Variants in UBE3A observed in about 807,000 individuals in gnomAD.
UBE3A encodes ubiquitin-protein ligase E3A.
UBE3A carries 6 observed loss-of-function variants against 83.4 expected under a neutral mutation model. That is an observed-to-expected ratio of 0.07 (90% CI 0.04 to 0.14). The LOEUF is 0.14. UBE3A is among the 10% of genes least tolerant of loss of function. The probability of loss-of-function intolerance (pLI) is 1.00; values close to 1 mark genes in which losing one functional copy is unlikely to be tolerated. For synonymous variants in UBE3A, 337 were observed against 355.4 expected, an observed-to-expected ratio of 0.95 and a Z score of 0.58; for missense variants, 456 against 1,036.1, an observed-to-expected ratio of 0.44 and a Z score of 7.69.
At chr15:25,400,842 T>C (rs983008076) in intron 4 of UBE3A, among the ~76,000 whole-genome samples, 2 of 152,228 alleles carry the variant, frequency 1.3e-5, no homozygotes, top group African/African-American at 2.4e-5. Flanking sequence ...CTGTGCTGAA[T>C]AGAAATGGCA....
chr15:25,426,741 T>A (rs1274553303), intron 1 of UBE3A, among the ~76,000 whole-genome samples: 1 of 152,134 alleles, frequency 6.6e-6, no homozygotes, highest in Non-Finnish European at 1.5e-5. Context: ...CTAAAAACCA[T>A]ACGTACTTAA....
intron 6 of UBE3A, among the ~76,000 whole-genome samples, chr15:25,368,803 T>G (rs1345768271): frequency 6.6e-6 from 1 of 152,168 alleles, no homozygotes; most frequent in African/African-American, 2.4e-5. Context: ...AACTTTTGTT[T>G]TTAGTCTTGC....
At chr15:25,368,871 G>A (rs182425044) in intron 6 of UBE3A, among the ~76,000 whole-genome samples, 3 of 152,274 alleles carry the variant, frequency 2.0e-5, no homozygotes, top group East Asian at 1.9e-4. Context: ...ACTTCTGAGC[G>A]AAAGACAGAT....
intron 6 of UBE3A, among the ~76,000 whole-genome samples, chr15:25,363,892 G>A (rs59539868): frequency 1.3e-5 from 2 of 151,896 alleles, no homozygotes; most frequent in East Asian, 1.9e-4. Context: ...ATAAAATACT[G>A]TACCACTTAA....
Position 25,370,945 on chromosome 15 carries a change from A to G in UBE3A, c.1229T>C (p.Leu410Ser). The change falls in exon 6 of 13, where the codon TTG becomes TCG. Residue 410 changes from leucine to serine, a missense_variant. Transcript: ENST00000648336. This position sits in a 1 kb window ranked among gnomAD's most constrained non-coding sequence, Gnocchi z 4.2. ...ESSELTLQEL[L>S]GEERRNKKGP... ...TTTCTTGTTTCTTCTTTCTTCTCCC[A>G]AAAGTTCCTGAAGTGTCAGCTCGCT... 1 of 1,614,080 alleles carries G rather than the reference A, an allele frequency of 6.2e-7. No homozygotes were observed. The highest frequency in any genetic ancestry group is 8.5e-7 in the Non-Finnish European group (1 of 1,180,010).
intron 4 of UBE3A, among the ~76,000 whole-genome samples, chr15:25,378,680 G>C (rs1177830505): frequency 6.6e-6 from 1 of 152,024 alleles, no homozygotes; most frequent in African/African-American, 2.4e-5. Context: ...AAGTCATTTT[G>C]ACTATATTGT....
In UBE3A at chr15:25,370,885, C is replaced by A. The variant is rs1260300451; in HGVS notation, c.1289G>T (p.Gly430Val). 3.1e-6 allele frequency: 5 copies of A among 1,613,968 alleles called. No individual in the cohort carries two copies. In the African/African-American group the frequency reaches 5.3e-5, roughly 17 times the overall value. Residue 430 changes from glycine (G) to valine (V), a missense_variant, in exon 6 of 13, where the codon GGT becomes GTT. By Grantham distance (109) the Gly-to-Val change is moderately radical (BLOSUM62 -3). Transcript: ENST00000648336. This position sits in a 1 kb window ranked among gnomAD's most constrained non-coding sequence, Gnocchi z 4.2. ...PRVDPLETELGVKTLDCRKPL... is the reference protein window; with the variant it reads ...PRVDPLETELVVKTLDCRKPL... ...TTTTCGACAATCCAGGGTTTTAACA[C>A]CAAGTTCAGTTTCCAGGGGGTCCAC...
In UBE3A at chr15:25,333,890, C is replaced by A. The variant is rs1431498827; in HGVS notation, c.*5247G>T. ...AAGAAGCATTTAACAAAACCCACAG[C>A]CCCTCCTTTTTTTTTTTTTGATTAA... On this transcript the variant is annotated 3_prime_UTR_variant, in exon 13 of 13. Transcript: ENST00000648336. 1 of 127,524 alleles carries A rather than the reference C, an allele frequency of 7.8e-6. No homozygotes were observed. The highest frequency in any genetic ancestry group is 1.6e-5 in the Non-Finnish European group (1 of 64,260). The allele number at this position is 127,524 out of a possible 1,614,324, so 7.9% of individuals were successfully genotyped here. A position where few individuals can be genotyped will look rare whatever the true frequency, so the allele number is the denominator to read the frequency against.
At chr15:25,398,167 C>CAAAAAAAA (rs71127052) in intron 4 of UBE3A, among the ~76,000 whole-genome samples, 23 of 99,156 alleles carry the variant, frequency 2.3e-4, no homozygotes, top group African/African-American at 7.5e-4. Flanking sequence ...GACTCTGTCT[C>CAAAAAAAA]AAAAAAAAAA....
chr15:25,351,071 C>T (rs766533332), intron 11 of UBE3A, among the ~76,000 whole-genome samples: 23 of 152,216 alleles, frequency 1.5e-4, no homozygotes, highest in Non-Finnish European at 3.1e-4. Context: ...ACAACATCGA[C>T]ACCACCATTA....
At chr15:25,377,856 CT>C (rs1457304716) in intron 4 of UBE3A, among the ~76,000 whole-genome samples, 10 of 152,122 alleles carry the variant, frequency 6.6e-5, no homozygotes, top group African/African-American at 2.4e-4. Flanking sequence ...CGACAAAGAA[CT>C]GCCTAGTCTT....
In UBE3A at chr15:25,338,985, T is replaced by C. The variant is rs759791840; in HGVS notation, c.*152A>G. The C allele has an allele frequency of 6.6e-6, 5 of 758,890 alleles. No homozygotes were observed. Among genetic ancestry groups the C allele is most frequent in the South Asian group, 2.5e-5 (1 of 39,884 alleles). The allele number at this position is 758,890 out of a possible 1,614,324, so 47.0% of individuals were successfully genotyped here. A position where few individuals can be genotyped will look rare whatever the true frequency, so the allele number is the denominator to read the frequency against. Reference sequence around the variant, plus strand: ...CCAATAAAGAAGGGAGGCACAGACATAGGTGACTACTGTGGTTGACTATCT... The same window carrying C: ...CCAATAAAGAAGGGAGGCACAGACACAGGTGACTACTGTGGTTGACTATCT... On this transcript the variant is annotated 3_prime_UTR_variant, in exon 13 of 13. Transcript: ENST00000648336.
At chr15:25,401,429 G>C (rs2087054904) in intron 4 of UBE3A, among the ~76,000 whole-genome samples, 1 of 152,148 alleles carries the variant, frequency 6.6e-6, no homozygotes, top group African/African-American at 2.4e-5. Context: ...AAGTCACCAA[G>C]TCTTGGGCTT....
At chr15:25,381,053 T>C (rs1174103156) in intron 4 of UBE3A, among the ~76,000 whole-genome samples, 1 of 152,228 alleles carries the variant, frequency 6.6e-6, no homozygotes, top group Non-Finnish European at 1.5e-5. Flanking sequence ...CCTAGAGGGA[T>C]GTGTACTAAT....
chr15:25,390,464 C>T (rs1309851819), intron 4 of UBE3A, among the ~76,000 whole-genome samples: 1 of 152,012 alleles, frequency 6.6e-6, no homozygotes, highest in African/African-American at 2.4e-5. Context: ...AAGAGAGGTA[C>T]TAACAACCTA....
intron 6 of UBE3A, 38 bp from the exon 7 acceptor site, chr15:25,360,565 T>C (rs776544230): frequency 1.2e-6 from 2 of 1,606,398 alleles, no homozygotes; most frequent in Non-Finnish European, 1.7e-6. Context: ...AGAAGATGAT[T>C]GCTAGTATCA....
Position 25,354,655 on chromosome 15 carries a change from A to C in UBE3A, c.2153T>G (p.Ile718Ser). Residue 718 changes from isoleucine to serine, a missense_variant, in exon 10 of 13, where the codon ATT (isoleucine) becomes AGT (serine). By Grantham distance (142) the Ile-to-Ser change is moderately radical. Around this residue, in one of 13 missense-constraint regions of UBE3A, gnomAD observed 82 missense variants for 199.3 expected, o/e 0.41. Coordinates refer to ENST00000648336, the MANE Select transcript of UBE3A (RefSeq NM_130839.5). ...KEFVNLYSDY[I>S]LNKSVEKQFK... ...CTGTTTTTCTACTGATTTATTGAGA[A>C]TGTAGTCAGAATAAAGATTGACAAA... is the stretch of plus-strand genomic sequence containing the variant. 2 of 1,613,282 alleles carry C rather than the reference A, an allele frequency of 1.2e-6. No individual in the cohort carries two copies. The highest frequency in any genetic ancestry group is 1.7e-6 in the Non-Finnish European group (2 of 1,179,708).
At position 25,388,183 on chromosome 15, in the gene UBE3A, T is replaced by C. The variant is rs567846518; in HGVS notation, c.63-12420A>G. ...AGAAAAGAAAACTACAGACCCATAT[T>C]TGTCATGAACAAAGATGCAAAAATC... On this transcript the variant is annotated intron_variant, in intron 4 of 12. Transcript: ENST00000648336. Among the ~76,000 whole-genome samples, 17 of 152,268 alleles carry C rather than the reference T, an allele frequency of 1.1e-4. 1 individual carries two copies. The South Asian group carries it at 3.5e-3, about 32-fold the overall frequency.
At chr15:25,372,610 A>C (rs1290647947) in intron 5 of UBE3A, among the ~76,000 whole-genome samples, 1 of 152,208 alleles carries the variant, frequency 6.6e-6, no homozygotes, top group African/African-American at 2.4e-5. Context: ...TTTTGAGATA[A>C]GTGTTATTTT....
Sources: gnomAD v4.1 joint callset for allele counts (sites outside exome capture counted in the v4.1 genomes callset) on GRCh38, gnomAD v4.1.1 for gene constraint, gnomAD v4.1.1 regional missense constraint, Gnocchi (gnomAD v3.1) non-coding constraint, MANE v1.5 for transcripts, NCBI Gene and HGNC (gene_info 2026-07-23, HGNC 2026-07-21) for gene names.